The following ASTN1 variants were observed in gnomAD, a reference collection of about 807,000 sequenced individuals.
ASTN1 encodes astrotactin-1.
ASTN1 carries 41 observed loss-of-function variants against 140.7 expected under a neutral mutation model. That is an observed-to-expected ratio of 0.29 (90% CI 0.23 to 0.38). The LOEUF (loss-of-function observed/expected upper bound fraction) is 0.38, where lower values mean the gene tolerates loss of function less well. Among genes scored for constraint, ASTN1 ranks in the 10% least tolerant of loss-of-function variants. The pLI, the probability that ASTN1 is intolerant of heterozygous loss-of-function variation, is 1.00. For missense variants in ASTN1, 1,479 were observed against 1,678.8 expected (o/e 0.88, Z 2.08); for synonymous variants, 640 against 652.2 (o/e 0.98, Z 0.29).
rs1429698806 is a variant in ASTN1 at position 177,163,690 on chromosome 1, T to C, written c.283+704A>G. Among the ~76,000 whole-genome samples the C allele has an allele frequency of 2.0e-5, 3 of 152,174 alleles. 1 individual carries two copies. Among genetic ancestry groups the C allele is most frequent in the Non-Finnish European group, 4.4e-5 (3 of 68,024 alleles). ...GCCCTGGGAACAAAGAAGAGACCAA[T>C]ACTAACAGACTACAGTTGTATAATA... On this transcript the variant is annotated intron_variant, in intron 1 of 22. Coordinates refer to ENST00000361833, the MANE Select transcript of ASTN1 (RefSeq NM_004319.3).
In ASTN1 at chr1:176,986,420, G is replaced by A. The variant is rs141250894; in HGVS notation, c.1524-21183C>T. ...GCAAGGAGGTACATGTGGCTAAGGA[G>A]TATGAGGGTAGTTGGATGTAACACC... On this transcript the variant is annotated intron_variant, in intron 8 of 22. Coordinates refer to ENST00000361833, the MANE Select transcript of ASTN1 (RefSeq NM_004319.3). Among the ~76,000 whole-genome samples the A allele has an allele frequency of 3.2e-3, 486 of 152,304 alleles. 4 individuals carry two copies. The highest frequency in any genetic ancestry group is 0.011 in the African/African-American group (468 of 41,562).
rs191524850 is a variant in ASTN1 at position 176,935,654 on chromosome 1, T to C, written c.2482+612A>G. Reference sequence around the variant, plus strand: ...ATCTTCCTCCCATTGGCCCTAAGGCTCTACCTCCCTATTGCTGACTCTGAA... The same window carrying C: ...ATCTTCCTCCCATTGGCCCTAAGGCCCTACCTCCCTATTGCTGACTCTGAA... On this transcript the variant is annotated intron_variant, in intron 15 of 22. Transcript: ENST00000361833. Among the ~76,000 whole-genome samples the C allele has an allele frequency of 8.5e-5, 13 of 152,312 alleles. No homozygotes were observed. The East Asian group carries it at 1.7e-3, about 20-fold the overall frequency.
intron 4 of ASTN1, among the ~76,000 whole-genome samples, chr1:177,030,227 T>TGA (rs1676356780): frequency 6.6e-6 from 1 of 152,210 alleles, no homozygotes; most frequent in African/African-American, 2.4e-5. Flanking sequence ...CTCTAAATCC[T>TGA]TTAAATCAGA....
intron 8 of ASTN1, among the ~76,000 whole-genome samples, chr1:177,010,492 T>C (rs548459647): frequency 1.3e-5 from 2 of 152,354 alleles, no homozygotes; most frequent in South Asian, 2.1e-4. Flanking sequence ...TAATAACCCA[T>C]TAGAAATCTG....
intron 1 of ASTN1, among the ~76,000 whole-genome samples, chr1:177,062,544 CTT>C (rs1262248770): frequency 7.2e-4 from 92 of 128,580 alleles, no homozygotes; most frequent in Admixed American, 7.1e-4. Context: ...ATGGCCTGGC[CTT>C]TTTTTTTTTT....
At chr1:177,006,721 G>A (rs56013024) in intron 8 of ASTN1, among the ~76,000 whole-genome samples, 34 of 152,254 alleles carry the variant, frequency 2.2e-4, no homozygotes, top group African/African-American at 7.7e-4. Flanking sequence ...CTCTGGCACT[G>A]TTTAAAATAA....
intron 16 of ASTN1, among the ~76,000 whole-genome samples, chr1:176,902,286 G>A (rs12136890): frequency 0.06 from 9,096 of 152,196 alleles, 353 homozygotes; most frequent in Non-Finnish European, 0.087. Context: ...CTCATGAAGC[G>A]TTGCCTACCA....
At chr1:176,889,594 C>T (rs890377003) in intron 17 of ASTN1, among the ~76,000 whole-genome samples, 3 of 152,216 alleles carry the variant, frequency 2.0e-5, no homozygotes, top group African/African-American at 7.2e-5. Context: ...TTTACATTGG[C>T]CACCTTAGGT....
At chr1:176,892,262 A>T (rs1191694578) in intron 17 of ASTN1, among the ~76,000 whole-genome samples, 1 of 152,204 alleles carries the variant, frequency 6.6e-6, no homozygotes, top group Admixed American at 6.5e-5. Flanking sequence ...AGTTCATATT[A>T]GATATATAAT....
chr1:177,091,398 T>G (rs1043399370), intron 1 of ASTN1, among the ~76,000 whole-genome samples: 1 of 152,198 alleles, frequency 6.6e-6, no homozygotes, highest in African/African-American at 2.4e-5. Context: ...ATGTTTATTT[T>G]TACTAAATTT....
Position 177,023,451 on chromosome 1 carries a change from G to T in ASTN1, c.1391C>A (p.Ala464Asp), listed in dbSNP as rs1472873791. 6.2e-7 allele frequency: 1 copy of T among 1,607,498 alleles called. No individual in the cohort carries two copies. The highest frequency in any genetic ancestry group is 8.5e-7 in the Non-Finnish European group (1 of 1,177,172). The change falls in exon 7 of 23, where the codon GCC becomes GAC. Residue 464 changes from alanine (A) to aspartate (D), a missense_variant. By Grantham distance (126) the Ala-to-Asp change is moderately radical. Transcript: ENST00000361833. ...TTCACAGGGGTCCAGGAGCCGCCGG[G>T]CACAGAGGTCCATGGCCCAGGGTCC... is the stretch of plus-strand genomic sequence containing the variant. ...SSGPWAMDLC[A>D]RRLLDPCEHQ...
chr1:177,049,123 C>T (rs527728625), intron 2 of ASTN1, among the ~76,000 whole-genome samples: 5 of 152,270 alleles, frequency 3.3e-5, no homozygotes, highest in Admixed American at 3.3e-4. Context: ...TCTGTGTCAA[C>T]CAGGGATTGC....
At chr1:177,030,572 C>T (rs1676377484) in intron 4 of ASTN1, among the ~76,000 whole-genome samples, 1 of 152,222 alleles carries the variant, frequency 6.6e-6, no homozygotes, top group Admixed American at 6.5e-5. Context: ...CACTTCTTTG[C>T]ACACTTGTCC....
chr1:177,089,199 G>C (rs1348848161), intron 1 of ASTN1, among the ~76,000 whole-genome samples: 1 of 152,164 alleles, frequency 6.6e-6, no homozygotes, highest in Non-Finnish European at 1.5e-5. Context: ...CATGGAGCAG[G>C]CTGAGCTCTG....
At chr1:177,001,139 C>G (rs969896203) in intron 8 of ASTN1, among the ~76,000 whole-genome samples, 1 of 152,126 alleles carries the variant, frequency 6.6e-6, no homozygotes, top group Admixed American at 6.5e-5. Context: ...TATGAAAGAC[C>G]ATGGGAAGAC....
At chr1:176,964,440 A>G (rs2101848707) in intron 9 of ASTN1, among the ~76,000 whole-genome samples, 1 of 152,208 alleles carries the variant, frequency 6.6e-6, no homozygotes, top group East Asian at 1.9e-4. Context: ...GATTGACAAA[A>G]TGAATGGATG....
intron 11 of ASTN1, among the ~76,000 whole-genome samples, chr1:176,949,587 T>A (rs1331268439): frequency 6.6e-6 from 1 of 152,088 alleles, no homozygotes; most frequent in Non-Finnish European, 1.5e-5. Flanking sequence ...TAAAGACACT[T>A]CCTCCAAAAA....
chr1:176,976,175 T>C (rs56759096), intron 8 of ASTN1: 1 of 152,198 alleles, frequency 6.6e-6, no homozygotes, highest in Non-Finnish European at 1.5e-5. Flanking sequence ...AACAGTTCCA[T>C]GAAAACAGTA....
At chr1:176,923,230 C>A (rs1043718577) in intron 16 of ASTN1, among the ~76,000 whole-genome samples, 3 of 152,178 alleles carry the variant, frequency 2.0e-5, no homozygotes, top group African/African-American at 7.2e-5. Context: ...ATTCCCTTAT[C>A]AGAAGTAGAA....
Sources: allele counts gnomAD v4.1 joint callset (sites outside exome capture counted in the v4.1 genomes callset), GRCh38; gene constraint gnomAD v4.1.1; transcripts MANE v1.5; gene names NCBI Gene and HGNC (gene_info 2026-07-23, HGNC 2026-07-21).